HGD: variants seen among roughly 807,000 people sequenced by gnomAD.
The protein encoded by HGD is homogentisate oxidase.
In HGD, 61 loss-of-function variants were observed where a neutral mutation model predicts 60.8. The ratio of observed to expected loss-of-function variants is 1.00; its 90% CI spans 0.82 to 1.24. The LOEUF (loss-of-function observed/expected upper bound fraction) is 1.24, where lower values mean the gene tolerates loss of function less well. Among genes scored for constraint, HGD ranks in the 50% most tolerant of loss-of-function variants. The pLI, the probability that HGD is intolerant of heterozygous loss-of-function variation, is 0.00. For missense variants in HGD, 542 were observed against 547.1 expected (o/e 0.99, Z 0.09); for synonymous variants, 212 against 187.7 (o/e 1.13, Z -1.06).
At chr3:120,644,976 C>A (rs978087096) in intron 9 of HGD, among the ~76,000 whole-genome samples, 1 of 152,174 alleles carries the variant, frequency 6.6e-6, no homozygotes, top group Non-Finnish European at 1.5e-5. Context: ...GTATTTAGGA[C>A]CTGCCTGCTT....
chr3:120,660,616 G>A (rs146625814), intron 4 of HGD, among the ~76,000 whole-genome samples: 1,992 of 152,260 alleles, frequency 0.013, 14 homozygotes, highest in Non-Finnish European at 0.02. Flanking sequence ...CCTGAGATGA[G>A]GAGTTCGAGA....
At position 120,644,397 on chromosome 3, in the gene HGD, G is replaced by A; in HGVS notation, c.696C>T (p.Ala232=). Residue 232 remains alanine (A), a synonymous_variant, in exon 10 of 14, where the codon GCC becomes GCT. Coordinates refer to ENST00000283871, the MANE Select transcript of HGD (RefSeq NM_000187.4). ...ANPRDFLIPI[A]WYEDRQVPGG... is the part of the protein sequence containing the mutation. ...CTGGTACTTGGCGATCCTCATACCA[G>A]GCAATGGGTATCAAGAAATCACGAG... The A allele has an allele frequency of 1.9e-6, 3 of 1,614,126 alleles. No homozygotes were observed. The highest frequency in any genetic ancestry group is 2.5e-6 in the Non-Finnish European group (3 of 1,179,998).
intron 12 of HGD, among the ~76,000 whole-genome samples, chr3:120,635,471 C>A (rs1439600184): frequency 1.7e-5 from 2 of 118,048 alleles, no homozygotes; most frequent in Admixed American, 1.8e-4. Context: ...AGTGAGATTC[C>A]GTCTCAAAAA....
intron 4 of HGD, among the ~76,000 whole-genome samples, chr3:120,660,471 T>C (rs1941627730): frequency 1.3e-5 from 2 of 152,188 alleles, no homozygotes; most frequent in Non-Finnish European, 2.9e-5. Context: ...TTGGAGTTCT[T>C]TGAGGTGATA....
At chr3:120,667,326 C>CAAAAAA (rs71133514) in intron 4 of HGD, among the ~76,000 whole-genome samples, 64 of 59,830 alleles carry the variant, frequency 1.1e-3, no homozygotes, top group East Asian at 2.8e-3. Flanking sequence ...ACTCTTGTCT[C>CAAAAAA]AAAAAAAAAA....
intron 4 of HGD, among the ~76,000 whole-genome samples, chr3:120,655,829 C>T (rs2107526458): frequency 6.6e-6 from 1 of 152,336 alleles, no homozygotes; most frequent in African/African-American, 2.4e-5. Context: ...GCCATTTTCT[C>T]TCCCAAATTT....
At position 120,675,803 on chromosome 3, in the gene HGD, G is replaced by T. The variant is rs1223579161; in HGVS notation, c.76C>A (p.Pro26Thr). Reference protein sequence around the residue: ...SEDPRCPGSLPEGQNNPQVCP... With the variant: ...SEDPRCPGSLTEGQNNPQVCP... ...TTATTTGCTCATACCTGTCCTTCTG[G>T]CAGGGAACCTGGGCAGCGAGGATCC... Residue 26 changes from proline (P) to threonine (T), a missense_variant, in exon 2 of 14, where the codon CCA becomes ACA. By Grantham distance (38) the Pro-to-Thr change is conservative. Around this residue, in one of 2 missense-constraint regions of HGD, gnomAD observed 537 missense variants for 529.1 expected, o/e 1.01. Transcript: ENST00000283871. The T allele has an allele frequency of 1.2e-6, 2 of 1,612,792 alleles. No homozygotes were observed. Among genetic ancestry groups the T allele is most frequent in the Non-Finnish European group, 1.7e-6 (2 of 1,178,992 alleles).
intron 4 of HGD, among the ~76,000 whole-genome samples, chr3:120,662,277 C>T (rs112089657): frequency 0.14 from 21,839 of 151,720 alleles, 1,656 homozygotes; most frequent in Middle Eastern, 0.18. Context: ...TCTGGCAGCA[C>T]GGTGTGGGAT....
At chr3:120,672,810 A>T (rs767650242) in intron 3 of HGD, among the ~76,000 whole-genome samples, 3 of 152,116 alleles carry the variant, frequency 2.0e-5, no homozygotes, top group Non-Finnish European at 4.4e-5. Flanking sequence ...CTGGCTTATC[A>T]TGTGTTTGTT....
chr3:120,643,494 T>G (rs555409502), intron 10 of HGD, among the ~76,000 whole-genome samples: 2 of 152,316 alleles, frequency 1.3e-5, no homozygotes, highest in African/African-American at 4.8e-5. Flanking sequence ...TTGAGAGACC[T>G]TGACCCAGAG....
chr3:120,655,560 CA>C (rs766400984), intron 4 of HGD, among the ~76,000 whole-genome samples: 1 of 152,156 alleles, frequency 6.6e-6, no homozygotes, highest in Non-Finnish European at 1.5e-5. Context: ...ACTCAGTACT[CA>C]CAAGAGAAAG....
intron 7 of HGD, among the ~76,000 whole-genome samples, chr3:120,647,375 A>G (rs890900903): frequency 6.6e-6 from 1 of 152,212 alleles, no homozygotes; most frequent in East Asian, 1.9e-4. Context: ...AAAGGCTGAC[A>G]TTTGCTTGTG....
intron 4 of HGD, among the ~76,000 whole-genome samples, chr3:120,668,091 G>T (rs1707941097): frequency 6.6e-6 from 1 of 152,152 alleles, no homozygotes; most frequent in African/African-American, 2.4e-5. Flanking sequence ...GCTGCATTTT[G>T]CAATGTGCTT....
chr3:120,630,401 A>T (rs1420238314), intron 13 of HGD, among the ~76,000 whole-genome samples: 1 of 152,166 alleles, frequency 6.6e-6, no homozygotes, highest in Non-Finnish European at 1.5e-5. Flanking sequence ...TAACCAAAAC[A>T]GTGTGGTAAT....
At chr3:120,655,755 G>A (rs914672298) in intron 4 of HGD, among the ~76,000 whole-genome samples, 2 of 152,226 alleles carry the variant, frequency 1.3e-5, no homozygotes, top group African/African-American at 4.8e-5. Context: ...CAAAAGGAGA[G>A]TGCACTGAAG....
chr3:120,665,212 G>A (rs1188072125), intron 4 of HGD, among the ~76,000 whole-genome samples: 2 of 152,222 alleles, frequency 1.3e-5, no homozygotes, highest in Non-Finnish European at 2.9e-5. Flanking sequence ...TAATTTGCAT[G>A]TACTAGAGAC....
chr3:120,675,234 C>G (rs148804636), intron 2 of HGD, among the ~76,000 whole-genome samples: 1 of 152,114 alleles, frequency 6.6e-6, no homozygotes, highest in East Asian at 1.9e-4. Context: ...CAGAAATAAC[C>G]AAGCGTTCAC....
intron 12 of HGD, among the ~76,000 whole-genome samples, chr3:120,635,949 A>G (rs774437926): frequency 6.6e-6 from 1 of 152,016 alleles, no homozygotes; most frequent in Non-Finnish European, 1.5e-5. Context: ...AACCTCCTTC[A>G]TCAGAATCCC....
rs374812910 is a variant in HGD, at chr3:120,647,993, A to C, written c.435-82T>G. ...TACGTCATAACACAAATCATTGTTT[A>C]GTGCCTATGTAGCAAGCTCAGAGCT... is the stretch of plus-strand genomic sequence containing the variant. On this transcript the variant is annotated intron_variant, in intron 6 of 13. Coordinates refer to ENST00000283871, the MANE Select transcript of HGD (RefSeq NM_000187.4). 2.6e-6 allele frequency: 3 copies of C among 1,135,894 alleles called. No individual in the cohort carries two copies. In the East Asian group the frequency reaches 7.0e-5, roughly 27 times the overall value. 70.4% of individuals were successfully genotyped at this position (1,135,894 alleles called of 1,614,324 possible).
Sources: gnomAD v4.1 joint callset for allele counts (sites outside exome capture counted in the v4.1 genomes callset) on GRCh38, gnomAD v4.1.1 for gene constraint, gnomAD v4.1.1 regional missense constraint, MANE v1.5 for transcripts, NCBI Gene and HGNC (gene_info 2026-07-23, HGNC 2026-07-21) for gene names.